The following ADAMTS20 variants were observed in gnomAD, a reference collection of about 807,000 sequenced individuals.
ADAMTS20 encodes the protein A disintegrin and metalloproteinase with thrombospondin motifs 20.
A neutral mutation model predicts 260.1 loss-of-function variants in ADAMTS20; 225 were observed. The ratio of observed to expected loss-of-function variants is 0.87; its 90% CI spans 0.78 to 0.97. The LOEUF is 0.97. ADAMTS20 is among the 50% of genes least tolerant of loss of function. ADAMTS20 has a pLI of 0.00. For missense variants in ADAMTS20, 2,400 were observed against 2,337.7 expected (o/e 1.03, Z -0.55); for synonymous variants, 802 against 769.5 (o/e 1.04, Z -0.70).
At chr12:43,526,810 A>C (rs2137493484) in intron 3 of ADAMTS20, among the ~76,000 whole-genome samples, 1 of 152,316 alleles carries the variant, frequency 6.6e-6, no homozygotes, top group South Asian at 2.1e-4. Context: ...ATCCAAAGCT[A>C]GTAGAAGAAA....
chr12:43,501,860 C>A (rs1942772030), intron 4 of ADAMTS20, among the ~76,000 whole-genome samples: 1 of 152,108 alleles, frequency 6.6e-6, no homozygotes, highest in African/African-American at 2.4e-5. Context: ...CTAGGATAGT[C>A]CTGTCACTAG....
intron 3 of ADAMTS20, among the ~76,000 whole-genome samples, chr12:43,520,690 T>C (rs1014094322): frequency 2.0e-5 from 3 of 152,198 alleles, no homozygotes; most frequent in African/African-American, 7.2e-5. Flanking sequence ...TCTACATAGA[T>C]TTAGAAGCTT....
At chr12:43,510,939 C>T (rs1186360878) in intron 3 of ADAMTS20, among the ~76,000 whole-genome samples, 2 of 152,108 alleles carry the variant, frequency 1.3e-5, no homozygotes, top group African/African-American at 4.8e-5. Context: ...CTGAATTCAT[C>T]ATTTTCTTCT....
chr12:43,386,322 T>C (rs1455721168), intron 29 of ADAMTS20, among the ~76,000 whole-genome samples: 1 of 152,190 alleles, frequency 6.6e-6, no homozygotes, highest in Non-Finnish European at 1.5e-5. Flanking sequence ...CCCCACTCTC[T>C]TCTGGCTTGT....
At chr12:43,446,345 A>G (rs1941760076) in intron 15 of ADAMTS20, among the ~76,000 whole-genome samples, 1 of 152,194 alleles carries the variant, frequency 6.6e-6, no homozygotes, top group Non-Finnish European at 1.5e-5. Flanking sequence ...AATTTACTCT[A>G]AGAAATGCAC....
chr12:43,396,435 C>T (rs555290219), intron 29 of ADAMTS20, among the ~76,000 whole-genome samples: 5 of 152,088 alleles, frequency 3.3e-5, no homozygotes, highest in African/African-American at 7.2e-5. Flanking sequence ...TCTGAAATTA[C>T]GCTTCTGTTT....
At chr12:43,548,359 C>T (rs1216360086) in intron 2 of ADAMTS20, among the ~76,000 whole-genome samples, 1 of 152,070 alleles carries the variant, frequency 6.6e-6, no homozygotes, top group Non-Finnish European at 1.5e-5. Flanking sequence ...GCAGGGCCAT[C>T]AGGTTAGCAT....
chr12:43,488,928 T>C (rs1461091878), intron 7 of ADAMTS20, among the ~76,000 whole-genome samples: 4 of 152,126 alleles, frequency 2.6e-5, no homozygotes, highest in Admixed American at 2.0e-4. Context: ...GTTTCCTATT[T>C]GTTATACATA....
intron 22 of ADAMTS20, among the ~76,000 whole-genome samples, chr12:43,431,100 T>C (rs1264501341): frequency 6.6e-6 from 1 of 152,248 alleles, no homozygotes; most frequent in Non-Finnish European, 1.5e-5. Flanking sequence ...GTCTGTAGCA[T>C]TTTGGTTAAC....
intron 16 of ADAMTS20, 70 bp from the exon 17 acceptor site, chr12:43,440,139 CTTTTTTTT>C (rs35606718): frequency 7.7e-5 from 43 of 557,202 alleles, no homozygotes; most frequent in African/African-American, 2.3e-4. Flanking sequence ...ACTTGTTTAA[CTTTTTTTT>C]TTTTTTTTTT....
At chr12:43,379,221 T>G (rs1310705431) in intron 31 of ADAMTS20, among the ~76,000 whole-genome samples, 1 of 152,210 alleles carries the variant, frequency 6.6e-6, no homozygotes, top group African/African-American at 2.4e-5. Context: ...TAGGGACATT[T>G]GTTGCGCTCA....
intron 28 of ADAMTS20, among the ~76,000 whole-genome samples, chr12:43,407,044 G>T (rs961591500): frequency 2.6e-5 from 4 of 151,972 alleles, no homozygotes; most frequent in African/African-American, 9.7e-5. Context: ...CAGTTTTAAA[G>T]TTTAATGGAG....
rs370938666 is a variant in ADAMTS20 at position 43,439,674 on chromosome 12, C to T, written c.2541G>A (p.Met847Ile). The change falls in exon 18 of 39, where the codon ATG becomes ATA. Residue 847 changes from methionine to isoleucine, a missense_variant. Physicochemically the swap from Met to Ile is conservative, Grantham distance 10. Transcript: ENST00000389420. ...FNIPLEERSD[M>I]FTWDPYGPWE... ...ATGGTCCATAGGGGTCCCATGTGAA[C>T]ATGTCACTCCTCTCTTCCAAAGGGA... is the stretch of plus-strand genomic sequence containing the variant. 127 of 1,613,680 alleles carry T rather than the reference C, an allele frequency of 7.9e-5. 1 individual carries two copies. The highest frequency in any genetic ancestry group is 1.0e-4 in the Non-Finnish European group (119 of 1,179,832).
At position 43,425,568 on chromosome 12, in the gene ADAMTS20, A is replaced by G. The variant is rs1314040331; in HGVS notation, c.4230T>C (p.Cys1410=). Residue 1410 remains cysteine, a synonymous_variant, in exon 28 of 39, where the codon TGT becomes TGC. Transcript: ENST00000389420. The part of the protein sequence containing the change: ...IVNKPPSVIQ[C]HMHACPADVS... ...CATCAGCAGGGCAAGCATGCATATG[A>G]CACTGTATTACGCTAGGTGGCTTGT... The G allele has an allele frequency of 6.2e-7, 1 of 1,600,894 alleles. No individual in the cohort carries two copies. Among genetic ancestry groups the G allele is most frequent in the Non-Finnish European group, 8.5e-7 (1 of 1,172,178 alleles).
At chr12:43,522,732 G>A (rs1484418949) in intron 3 of ADAMTS20, among the ~76,000 whole-genome samples, 1 of 152,258 alleles carries the variant, frequency 6.6e-6, no homozygotes, top group South Asian at 2.1e-4. Flanking sequence ...GGGGGTTTTT[G>A]TTGGTGTTTG....
At chr12:43,438,139 C>T (rs539963252) in intron 18 of ADAMTS20, among the ~76,000 whole-genome samples, 10 of 152,228 alleles carry the variant, frequency 6.6e-5, no homozygotes, top group South Asian at 2.1e-4. Flanking sequence ...CCCCTGCACG[C>T]GATTGTTTAA....
intron 37 of ADAMTS20, among the ~76,000 whole-genome samples, chr12:43,362,830 G>GAAA (rs796818223): frequency 4.3e-4 from 38 of 89,094 alleles, no homozygotes; most frequent in East Asian, 1.6e-3. Flanking sequence ...AGTATAATTA[G>GAAA]AAAAAAAAAA....
chr12:43,474,035 C>A (rs570360617), intron 7 of ADAMTS20, among the ~76,000 whole-genome samples: 1 of 151,460 alleles, frequency 6.6e-6, no homozygotes, highest in African/African-American at 2.4e-5. Context: ...TTCAAAAAAT[C>A]AATGAATCCA....
In ADAMTS20 at chr12:43,484,216, A is replaced by G. The variant is rs942064223; in HGVS notation, c.1117+6179T>C. On this transcript the variant is annotated intron_variant, in intron 7 of 38. Coordinates refer to ENST00000389420, the MANE Select transcript of ADAMTS20 (RefSeq NM_025003.5). ...ATAAATACAAAAATAATTAGAAGAC[A>G]TAGTCTACCCAAATGAGAAGGAACC... Among the ~76,000 whole-genome samples, 18 of 152,320 alleles carry G rather than the reference A, an allele frequency of 1.2e-4. No homozygotes were observed. The East Asian group carries it at 2.3e-3, about 20-fold the overall frequency.
Sources: gnomAD v4.1 joint callset for allele counts (sites outside exome capture counted in the v4.1 genomes callset) on GRCh38, gnomAD v4.1.1 for gene constraint, MANE v1.5 for transcripts, NCBI Gene and HGNC (gene_info 2026-07-23, HGNC 2026-07-21) for gene names.